FOXP2: variants seen among roughly 807,000 people sequenced by gnomAD.
FOXP2 encodes forkhead box P2.
Under a neutral mutation model 115.8 loss-of-function variants are expected in FOXP2, and 12 were observed. The ratio of observed to expected loss-of-function variants is 0.10; its 90% CI spans 0.07 to 0.17. The LOEUF (loss-of-function observed/expected upper bound fraction) is 0.17. Among genes scored for constraint, FOXP2 ranks in the 10% least tolerant of loss-of-function variants. The pLI is 1.00. For missense variants in FOXP2, 629 were observed against 843.5 expected, an observed-to-expected ratio of 0.75 and a Z score of 3.15; for synonymous variants, 328 against 297.7, an observed-to-expected ratio of 1.10 and a Z score of -1.05.
At chr7:114,149,654 T>C (rs891531082) in intron 1 of FOXP2, among the ~76,000 whole-genome samples, 2 of 152,018 alleles carry the variant, frequency 1.3e-5, no homozygotes, top group African/African-American at 2.4e-5. Flanking sequence ...AATAGTTTCT[T>C]TCAAAATAAA....
intron 2 of FOXP2, among the ~76,000 whole-genome samples, chr7:114,321,671 A>G (rs1797425211): frequency 6.6e-6 from 1 of 152,188 alleles, no homozygotes. Flanking sequence ...ACAGGAATAT[A>G]TAATTTTATG....
chr7:114,657,577 G>A (rs1403147074), intron 10 of FOXP2, among the ~76,000 whole-genome samples: 1 of 152,102 alleles, frequency 6.6e-6, no homozygotes, highest in African/African-American at 2.4e-5. Flanking sequence ...GAGACTAAAG[G>A]TCAGTGTAAA....
chr7:114,596,288 A>T (rs1158753895), intron 3 of FOXP2, among the ~76,000 whole-genome samples: 2 of 152,008 alleles, frequency 1.3e-5, no homozygotes, highest in Non-Finnish European at 1.5e-5. Flanking sequence ...AGTTTATGGC[A>T]AGCAATTGTC....
Position 114,491,385 on chromosome 7 carries a change from C to A in FOXP2, c.169-43232C>A, listed in dbSNP as rs530055848. On this transcript the variant is annotated intron_variant, in intron 2 of 16. Coordinates refer to ENST00000350908, the MANE Select transcript of FOXP2 (RefSeq NM_014491.4). ...TTTTTCTTGTAAATTTGTTTGAGTT[C>A]ATTGTAGATTCTGGATATTAGCCCT... Among the ~76,000 whole-genome samples the A allele has an allele frequency of 7.2e-3, 1,089 of 152,084 alleles. 15 individuals are homozygous for A. The highest frequency in any genetic ancestry group is 0.025 in the African/African-American group (1,023 of 41,480).
intron 2 of FOXP2, among the ~76,000 whole-genome samples, chr7:114,352,958 C>T (rs1791529446): frequency 6.6e-6 from 1 of 152,140 alleles, no homozygotes; most frequent in Non-Finnish European, 1.5e-5. Context: ...CTGAATTCTT[C>T]AACCCACTAG....
At chr7:114,571,670 G>T (rs973928232) in intron 3 of FOXP2, among the ~76,000 whole-genome samples, 1 of 151,788 alleles carries the variant, frequency 6.6e-6, no homozygotes, top group Non-Finnish European at 1.5e-5. Flanking sequence ...ATTCCCCAAA[G>T]AAAACATTGT....
chr7:114,498,055 G>A lies in FOXP2; in HGVS notation c.169-36562G>A, dbSNP rs115784343. Among the ~76,000 whole-genome samples, 771 of 152,156 alleles carry A rather than the reference G, an allele frequency of 5.1e-3. 12 individuals carry two copies. The highest frequency in any genetic ancestry group is 0.018 in the African/African-American group (732 of 41,540). ...AACATCCACTATTATCTATGATACC[G>A]AAATGTTTTTGACTTATAAAATGAT... is the stretch of plus-strand genomic sequence containing the variant. On this transcript the variant is annotated intron_variant, in intron 2 of 16. Transcript: ENST00000350908.
At chr7:114,433,961 A>G (rs1282631858) in intron 2 of FOXP2, among the ~76,000 whole-genome samples, 1 of 151,994 alleles carries the variant, frequency 6.6e-6, no homozygotes, top group Non-Finnish European at 1.5e-5. Context: ...AAAAAAATAT[A>G]AAGTAATAGG....
At chr7:114,334,555 T>A (rs948950996) in intron 2 of FOXP2, among the ~76,000 whole-genome samples, 1 of 151,362 alleles carries the variant, frequency 6.6e-6, no homozygotes, top group African/African-American at 2.4e-5. Context: ...TCCTGACAAA[T>A]CTAGTATTTA....
At chr7:114,090,044 A>C (rs924088545) in intron 1 of FOXP2, among the ~76,000 whole-genome samples, 4 of 151,970 alleles carry the variant, frequency 2.6e-5, no homozygotes, top group African/African-American at 9.7e-5. Context: ...TTGGATTTCT[A>C]TCTGGGTCAG....
At chr7:114,166,391 A>C (rs1408316651) in intron 1 of FOXP2, among the ~76,000 whole-genome samples, 1 of 152,170 alleles carries the variant, frequency 6.6e-6, no homozygotes, top group Non-Finnish European at 1.5e-5. Context: ...ATATACTACA[A>C]AGAACTCTTA....
intron 1 of FOXP2, among the ~76,000 whole-genome samples, chr7:114,255,671 A>G (rs976268889): frequency 1.3e-5 from 2 of 151,970 alleles, no homozygotes; most frequent in East Asian, 3.9e-4. Flanking sequence ...GAGTGACCCA[A>G]TTTTCCAGGT....
chr7:114,283,645 A>G (rs1391080708), intron 1 of FOXP2, among the ~76,000 whole-genome samples: 1 of 152,146 alleles, frequency 6.6e-6, no homozygotes, highest in African/African-American at 2.4e-5. Context: ...AAATTACTAG[A>G]AAAAAATTAA....
At chr7:114,407,864 A>G (rs1387891000) in intron 2 of FOXP2, among the ~76,000 whole-genome samples, 1 of 152,130 alleles carries the variant, frequency 6.6e-6, no homozygotes, top group Non-Finnish European at 1.5e-5. Flanking sequence ...GCATTCTAGC[A>G]TCATTCAGTA....
chr7:114,161,187 G>T (rs1792819881), upstream of FOXP2, among the ~76,000 whole-genome samples: 1 of 152,120 alleles, frequency 6.6e-6, no homozygotes, highest in Admixed American at 6.5e-5. Flanking sequence ...ATAAGTTTCA[G>T]TACTAAGACT....
chr7:114,225,262 G>A (rs926716922), intron 1 of FOXP2, among the ~76,000 whole-genome samples: 1 of 151,922 alleles, frequency 6.6e-6, no homozygotes, highest in Non-Finnish European at 1.5e-5. Context: ...AAGTTTGCTA[G>A]CATTTACTTC....
At chr7:114,510,784 G>A (rs533246414) in intron 2 of FOXP2, among the ~76,000 whole-genome samples, 1 of 152,240 alleles carries the variant, frequency 6.6e-6, no homozygotes, top group African/African-American at 2.4e-5. Flanking sequence ...CAACCATTGT[G>A]GAAGACAGTG....
In FOXP2 at chr7:114,628,564, A is replaced by T. The variant is rs757255710; in HGVS notation, c.283A>T (p.Thr95Ser). 6.2e-6 allele frequency: 10 copies of T among 1,613,534 alleles called. No homozygotes were observed. The highest frequency in any genetic ancestry group is 8.5e-7 in the Non-Finnish European group (1 of 1,179,914). Residue 95 changes from threonine to serine, a missense_variant, in exon 4 of 17, where the codon ACT (threonine) becomes TCT (serine). Physicochemically the swap from Thr to Ser is moderately conservative, Grantham distance 58. Around this residue, in one of 9 missense-constraint regions of FOXP2, gnomAD observed 138 missense variants for 205.1 expected, o/e 0.67. Transcript: ENST00000350908. Reference protein sequence around the residue: ...LQVPVSVAMMTPQVITPQQMQ... With the variant: ...LQVPVSVAMMSPQVITPQQMQ... ...GGTGCCTGTGTCAGTGGCCATGATG[A>T]CTCCCCAGGTGATCACCCCTCAGCA...
intron 2 of FOXP2, among the ~76,000 whole-genome samples, chr7:114,481,305 G>A (rs1482496129): frequency 2.0e-5 from 3 of 151,024 alleles, no homozygotes; most frequent in African/African-American, 7.3e-5. Context: ...TAATTATATA[G>A]AGAAGTAATT....
Sources: allele counts gnomAD v4.1 joint callset (sites outside exome capture counted in the v4.1 genomes callset), GRCh38; gene constraint gnomAD v4.1.1; regional missense constraint gnomAD v4.1.1; transcripts MANE v1.5; gene names NCBI Gene and HGNC (gene_info 2026-07-23, HGNC 2026-07-21).